The following SLC24A2 variants were observed in gnomAD, a reference collection of about 807,000 sequenced individuals.
The protein encoded by SLC24A2 is solute carrier family 24 member 2, also known as sodium/potassium/calcium exchanger 2.
In SLC24A2, 36 loss-of-function variants were observed where a neutral mutation model predicts 62.0. That is an observed-to-expected ratio of 0.58 (90% CI 0.44 to 0.77). SLC24A2 has a LOEUF of 0.77. SLC24A2 is among the 30% of genes least tolerant of loss of function. SLC24A2 has a pLI of 0.00. For synonymous variants in SLC24A2, 358 were observed against 294.0 expected (o/e 1.22, Z -2.23); for missense variants, 846 against 817.9 (o/e 1.03, Z -0.42).
chr9:20,027,029 G>A, the SLC24A2 span, among the ~76,000 whole-genome samples: 8 of 152,204 alleles, frequency 5.3e-5, 1 homozygote, highest in East Asian at 1.5e-3. Context: ...TTTCTCAAAA[G>A]AAGACATACA....
chr9:19,556,700 G>T (rs1835103458), intron 7 of SLC24A2, among the ~76,000 whole-genome samples: 1 of 152,106 alleles, frequency 6.6e-6, no homozygotes, highest in Non-Finnish European at 1.5e-5. Flanking sequence ...GTTCAGTGTG[G>T]AATGATGCTG....
the SLC24A2 span, among the ~76,000 whole-genome samples, chr9:20,241,884 T>A: frequency 6.6e-6 from 1 of 152,170 alleles, no homozygotes; most frequent in African/African-American, 2.4e-5. Flanking sequence ...GCAACATCAA[T>A]CGCCACCTTG....
At chr9:19,553,291 G>A (rs1834931749) in intron 7 of SLC24A2, among the ~76,000 whole-genome samples, 1 of 152,168 alleles carries the variant, frequency 6.6e-6, no homozygotes, top group South Asian at 2.1e-4. Context: ...TGAGGTTAGG[G>A]CAGTGATTTT....
intron 9 of SLC24A2, among the ~76,000 whole-genome samples, chr9:19,523,471 T>TG (rs1833292233): frequency 6.6e-6 from 1 of 152,134 alleles, no homozygotes; most frequent in African/African-American, 2.4e-5. Context: ...TAACTTAATA[T>TG]GTTTTTTTTG....
chr9:19,860,098 C>A, the SLC24A2 span, among the ~76,000 whole-genome samples: 1 of 152,176 alleles, frequency 6.6e-6, no homozygotes. Context: ...ATGTGACCTA[C>A]TGAGACACCA....
At chr9:20,284,539 T>TC in the SLC24A2 span, among the ~76,000 whole-genome samples, 1 of 151,838 alleles carries the variant, frequency 6.6e-6, no homozygotes, top group Non-Finnish European at 1.5e-5. Flanking sequence ...ACATTTTTTT[T>TC]TGTGGTATAG....
intron 4 of SLC24A2, among the ~76,000 whole-genome samples, chr9:19,618,447 T>G (rs1225641277): frequency 2.6e-5 from 4 of 152,144 alleles, no homozygotes; most frequent in Non-Finnish European, 5.9e-5. Flanking sequence ...CAACTCTCTG[T>G]GGTATAACAG....
At position 19,629,185 on chromosome 9, in the gene SLC24A2, G is replaced by A. The variant is rs192818892; in HGVS notation, c.931-6886C>T. Among the ~76,000 whole-genome samples the A allele has an allele frequency of 2.0e-5, 3 of 152,294 alleles. No individual in the cohort carries two copies. The East Asian group carries it at 5.8e-4, about 29-fold the overall frequency. On this transcript the variant is annotated intron_variant, in intron 2 of 10. Transcript: ENST00000341998. ...CATAGCCAGCAAGTGGCAGAGCTCA[G>A]ATACGAACTCAGACAGTTGGGCTCC...
chr9:19,620,362 T>A (rs1489041616), intron 3 of SLC24A2, among the ~76,000 whole-genome samples: 2 of 152,206 alleles, frequency 1.3e-5, no homozygotes, highest in African/African-American at 2.4e-5. Flanking sequence ...CTACCTCATC[T>A]CTACCCTGGG....
chr9:19,526,697 T>C (rs777276734), intron 9 of SLC24A2, among the ~76,000 whole-genome samples: 3 of 152,198 alleles, frequency 2.0e-5, no homozygotes, highest in Non-Finnish European at 4.4e-5. Context: ...TACTTGAAGA[T>C]GCTTGCCTTC....
At chr9:19,666,624 A>G (rs1819261147) in intron 2 of SLC24A2, among the ~76,000 whole-genome samples, 1 of 152,192 alleles carries the variant, frequency 6.6e-6, no homozygotes, top group South Asian at 2.1e-4. Flanking sequence ...AGCAGTGTAG[A>G]GAGTATATAT....
At chr9:20,269,398 C>T in the SLC24A2 span, among the ~76,000 whole-genome samples, 1 of 152,118 alleles carries the variant, frequency 6.6e-6, no homozygotes. Context: ...GTGCCTCATT[C>T]CTCAGCTCTT....
At chr9:20,029,612 T>C in the SLC24A2 span, among the ~76,000 whole-genome samples, 2 of 152,184 alleles carry the variant, frequency 1.3e-5, no homozygotes, top group African/African-American at 4.8e-5. Flanking sequence ...AACACACCTA[T>C]ACTTGTGAAA....
At chr9:19,947,808 A>AAAAAGAAAGAAAGAAAGAAAG in the SLC24A2 span, among the ~76,000 whole-genome samples, 12 of 59,260 alleles carry the variant, frequency 2.0e-4, no homozygotes, top group Non-Finnish European at 2.8e-4. Flanking sequence ...AAAAAAAAAA[A>AAAAAGAAAGAAAGAAAGAAAG]AAAGAAAGAA....
the SLC24A2 span, among the ~76,000 whole-genome samples, chr9:20,269,038 G>C: frequency 2.2e-4 from 34 of 152,328 alleles, no homozygotes; most frequent in South Asian, 6.2e-3. Context: ...CAATTTAGCA[G>C]TTAAGGATGC....
At chr9:19,918,250 C>T in the SLC24A2 span, among the ~76,000 whole-genome samples, 11 of 151,098 alleles carry the variant, frequency 7.3e-5, no homozygotes, top group African/African-American at 2.4e-4. Context: ...TGTAGTATAG[C>T]GTTTATTTAA....
At chr9:19,916,023 G>GT in the SLC24A2 span, among the ~76,000 whole-genome samples, 1 of 151,942 alleles carries the variant, frequency 6.6e-6, no homozygotes, top group South Asian at 2.1e-4. Flanking sequence ...TCTTCTAAGA[G>GT]TTTTACAGGT....
the SLC24A2 span, among the ~76,000 whole-genome samples, chr9:20,116,612 G>C: frequency 6.6e-6 from 1 of 152,088 alleles, no homozygotes; most frequent in Admixed American, 6.6e-5. Flanking sequence ...ATTACTAAAT[G>C]AGAGTTCCTT....
intron 7 of SLC24A2, among the ~76,000 whole-genome samples, chr9:19,564,452 T>C (rs558724787): frequency 5.9e-5 from 9 of 152,226 alleles, no homozygotes; most frequent in Non-Finnish European, 5.9e-5. Context: ...CAAGGTAATA[T>C]TTGAATTGTA....
Sources: allele counts gnomAD v4.1 joint callset (sites outside exome capture counted in the v4.1 genomes callset), GRCh38; gene constraint gnomAD v4.1.1; transcripts MANE v1.5; gene names NCBI Gene and HGNC (gene_info 2026-07-23, HGNC 2026-07-21).